TSHZ2: variants seen among roughly 807,000 people sequenced by gnomAD.
The protein encoded by TSHZ2 is teashirt zinc finger homeobox 2.
A neutral mutation model predicts 74.4 loss-of-function variants in TSHZ2; 21 were observed. That is an observed-to-expected ratio of 0.28 (90% CI 0.20 to 0.41). The LOEUF (loss-of-function observed/expected upper bound fraction) is 0.41. Among genes scored for constraint, TSHZ2 ranks in the 10% least tolerant of loss-of-function variants. The probability of loss-of-function intolerance (pLI) is 1.00; values close to 1 mark genes in which losing one functional copy is unlikely to be tolerated. For missense variants in TSHZ2, 1,244 were observed against 1,293.5 expected, an observed-to-expected ratio of 0.96 and a Z score of 0.59; for synonymous variants, 540 against 515.3, an observed-to-expected ratio of 1.05 and a Z score of -0.65.
intron 1 of TSHZ2, among the ~76,000 whole-genome samples, chr20:53,040,012 A>T (rs991569547): frequency 6.6e-6 from 1 of 152,122 alleles, no homozygotes; most frequent in Non-Finnish European, 1.5e-5. Flanking sequence ...AGGTTGAGGC[A>T]GGAGAATCGC....
chr20:53,230,505 A>C (rs373121473), intron 1 of TSHZ2, among the ~76,000 whole-genome samples: 10 of 152,336 alleles, frequency 6.6e-5, no homozygotes, highest in Admixed American at 6.5e-5. Flanking sequence ...CACAAATGTC[A>C]TGCCACATGC....
intron 1 of TSHZ2, among the ~76,000 whole-genome samples, chr20:53,110,936 CAG>C (rs1221308181): frequency 6.6e-6 from 1 of 151,930 alleles, no homozygotes; most frequent in Non-Finnish European, 1.5e-5. Flanking sequence ...AGGTTCTGTA[CAG>C]TTGAAGGCAA....
At chr20:53,280,135 T>C (rs1362785582) in intron 2 of TSHZ2, among the ~76,000 whole-genome samples, 1 of 152,170 alleles carries the variant, frequency 6.6e-6, no homozygotes, top group Non-Finnish European at 1.5e-5. Flanking sequence ...CAGGAATGGA[T>C]TGCACACAGG....
chr20:53,220,427 T>C (rs1489084839), intron 1 of TSHZ2, among the ~76,000 whole-genome samples: 1 of 152,244 alleles, frequency 6.6e-6, no homozygotes, highest in Non-Finnish European at 1.5e-5. Flanking sequence ...AGAAAATTCC[T>C]CTACAGGGTT....
In TSHZ2 at chr20:53,491,106, CTCTCT is replaced by C. The variant is rs1986437913; in HGVS notation, c.*3977_*3981del. 1 of 149,804 alleles carries C rather than the reference CTCTCT, an allele frequency of 6.7e-6. No individual in the cohort carries two copies. Among genetic ancestry groups the C allele is most frequent in the Non-Finnish European group, 1.5e-5 (1 of 67,726 alleles). 9.3% of individuals were successfully genotyped at this position (149,804 alleles called of 1,614,324 possible). ...CCCAAATGTCATTTTTCACATTATCCTCTCTTCTCTGCAACAAGGATAGTAAGATG... is the reference window on the plus strand; with the variant it reads ...CCCAAATGTCATTTTTCACATTATCCTCTCTGCAACAAGGATAGTAAGATG... On this transcript the variant is annotated 3_prime_UTR_variant, in exon 3 of 3. Transcript: ENST00000371497.
At chr20:53,341,064 T>C (rs1980179473) in intron 2 of TSHZ2, among the ~76,000 whole-genome samples, 1 of 152,246 alleles carries the variant, frequency 6.6e-6, no homozygotes, top group Non-Finnish European at 1.5e-5. Flanking sequence ...CAAGACTTTA[T>C]TGACCTTTGT....
chr20:53,298,998 T>G (rs889565172), intron 2 of TSHZ2, among the ~76,000 whole-genome samples: 1 of 152,188 alleles, frequency 6.6e-6, no homozygotes, highest in African/African-American at 2.4e-5. Context: ...GATGAGACTC[T>G]GCTTTCCAGC....
At chr20:53,075,785 T>G (rs1404071731) in intron 1 of TSHZ2, among the ~76,000 whole-genome samples, 1 of 152,164 alleles carries the variant, frequency 6.6e-6, no homozygotes, top group African/African-American at 2.4e-5. Context: ...CACGGCACAC[T>G]GGGACAAGTC....
intron 2 of TSHZ2, among the ~76,000 whole-genome samples, chr20:53,460,343 C>T (rs1296156535): frequency 6.4e-4 from 98 of 152,098 alleles, no homozygotes; most frequent in African/African-American, 1.9e-3. Flanking sequence ...ATCGCATCGG[C>T]TCCTGAGGCT....
At chr20:53,310,019 T>A (rs1978711322) in intron 2 of TSHZ2, among the ~76,000 whole-genome samples, 1 of 152,224 alleles carries the variant, frequency 6.6e-6, no homozygotes, top group South Asian at 2.1e-4. Flanking sequence ...TCTAACATAG[T>A]ACCTCCCAAC....
intron 2 of TSHZ2, among the ~76,000 whole-genome samples, chr20:53,461,156 A>T (rs1192597847): frequency 1.3e-5 from 2 of 152,020 alleles, no homozygotes; most frequent in Admixed American, 6.6e-5. Context: ...GCCGCCTTGC[A>T]GTTTGATCTC....
intron 2 of TSHZ2, among the ~76,000 whole-genome samples, chr20:53,313,761 A>G (rs1978883000): frequency 6.6e-6 from 1 of 152,216 alleles, no homozygotes; most frequent in African/African-American, 2.4e-5. Context: ...TCTAGAAGTG[A>G]GAGAATTAAA....
intron 1 of TSHZ2, among the ~76,000 whole-genome samples, chr20:53,203,071 CT>C (rs1006169908): frequency 1.3e-5 from 2 of 152,126 alleles, no homozygotes; most frequent in African/African-American, 4.8e-5. Context: ...AGCTGTAGCT[CT>C]CCTTATATAA....
intron 1 of TSHZ2, among the ~76,000 whole-genome samples, chr20:53,229,919 G>C (rs1337286036): frequency 6.7e-6 from 1 of 149,360 alleles, no homozygotes; most frequent in African/African-American, 2.5e-5. Flanking sequence ...AAAAGAGAAA[G>C]AAGAAGGAAG....
intron 2 of TSHZ2, among the ~76,000 whole-genome samples, chr20:53,391,014 A>G (rs908269297): frequency 6.6e-6 from 1 of 152,244 alleles, no homozygotes; most frequent in Non-Finnish European, 1.5e-5. Flanking sequence ...AGGGAGTGGG[A>G]CTGTGTTCCA....
intron 2 of TSHZ2, among the ~76,000 whole-genome samples, chr20:53,274,330 A>G (rs904494606): frequency 9.9e-5 from 15 of 152,212 alleles, no homozygotes; most frequent in African/African-American, 3.6e-4. Context: ...TACGAAGTGT[A>G]AAGACAAAAG....
intron 2 of TSHZ2, among the ~76,000 whole-genome samples, chr20:53,290,969 A>T (rs1386382146): frequency 1.3e-5 from 2 of 152,198 alleles, no homozygotes; most frequent in African/African-American, 4.8e-5. Flanking sequence ...GACTGTTATG[A>T]TCTACAGAAT....
intron 1 of TSHZ2, among the ~76,000 whole-genome samples, chr20:53,058,653 G>A (rs1198897985): frequency 6.6e-6 from 1 of 152,234 alleles, no homozygotes; most frequent in Non-Finnish European, 1.5e-5. Context: ...AAAGCCCCAA[G>A]TACATAGCAG....
intron 1 of TSHZ2, among the ~76,000 whole-genome samples, chr20:53,215,860 C>T (rs1379209848): frequency 6.8e-6 from 1 of 147,644 alleles, no homozygotes; most frequent in Non-Finnish European, 1.5e-5. Context: ...AGGAGCAAAA[C>T]TCCGTCTCAA....
Sources: allele counts gnomAD v4.1 joint callset (sites outside exome capture counted in the v4.1 genomes callset), GRCh38; gene constraint gnomAD v4.1.1; transcripts MANE v1.5; gene names NCBI Gene and HGNC (gene_info 2026-07-23, HGNC 2026-07-21).